The following PTN variants were observed in gnomAD, a reference collection of about 807,000 sequenced individuals.
The protein encoded by PTN is pleiotrophin, also known as heparin affin regulatory protein.
PTN carries 18 observed loss-of-function variants against 24.1 expected under a neutral mutation model. The observed-to-expected ratio is 0.75, with a 90% confidence interval of 0.52 to 1.11. The LOEUF (loss-of-function observed/expected upper bound fraction) is 1.11, where lower values mean the gene tolerates loss of function less well. Ranked by LOEUF, PTN falls within the 50% of genes least tolerant of loss-of-function variation. The pLI, the probability that PTN is intolerant of heterozygous loss-of-function variation, is 0.00. For synonymous variants in PTN, 78 were observed against 68.6 expected (o/e 1.14, Z -0.67); for missense variants, 163 against 198.8 (o/e 0.82, Z 1.08).
In PTN at chr7:137,227,815, A is replaced by C. The variant is rs901508236; in HGVS notation, c.*205T>G. The C allele has an allele frequency of 3.9e-5, 16 of 409,706 alleles. No homozygotes were observed. Among genetic ancestry groups the C allele is most frequent in the Non-Finnish European group, 6.8e-5 (16 of 236,780 alleles). The allele number at this position is 409,706 out of a possible 1,614,324, so 25.4% of individuals were successfully genotyped here. On this transcript the variant is annotated 3_prime_UTR_variant, in exon 5 of 5. Transcript: ENST00000348225. ...ATAAGTCAACTTCCTAAATAAGATT[A>C]CAGTCCTTTATTATAAGCCCCTACT...
chr7:137,256,580 G>T lies in PTN; in HGVS notation c.-1-1606C>A, dbSNP rs1363313686. ...CCAGTCTATCATTGATAAGCTTTTGGGTTGGTTCAATGGCTTTGCTATGTA... is the reference window on the plus strand; with the variant it reads ...CCAGTCTATCATTGATAAGCTTTTGTGTTGGTTCAATGGCTTTGCTATGTA... On this transcript the variant is annotated intron_variant, in intron 1 of 4. Coordinates refer to ENST00000348225, the MANE Select transcript of PTN (RefSeq NM_002825.7). 2.0e-5 allele frequency among the ~76,000 whole-genome samples: 3 copies of T among 152,022 alleles called. No individual in the cohort carries two copies. The East Asian group carries it at 5.8e-4, about 29-fold the overall frequency.
At chr7:137,279,363 T>C (rs990494855) in intron 1 of PTN, among the ~76,000 whole-genome samples, 4 of 152,224 alleles carry the variant, frequency 2.6e-5, no homozygotes, top group African/African-American at 9.6e-5. Context: ...CTCAATATTA[T>C]TTCCTGATGA....
intron 4 of PTN, among the ~76,000 whole-genome samples, chr7:137,247,597 A>G (rs922223270): frequency 1.1e-4 from 16 of 152,200 alleles, no homozygotes; most frequent in Non-Finnish European, 1.9e-4. Context: ...TTGATAGCAC[A>G]ACAGGGTGAC....
At chr7:137,234,638 T>C (rs1197228342) in intron 4 of PTN, among the ~76,000 whole-genome samples, 3 of 152,040 alleles carry the variant, frequency 2.0e-5, no homozygotes, top group African/African-American at 7.2e-5. Context: ...AAGTGGGCCT[T>C]AAGAGAAAGA....
chr7:137,250,525 A>G (rs1161927181), intron 4 of PTN, among the ~76,000 whole-genome samples: 4 of 152,244 alleles, frequency 2.6e-5, no homozygotes, highest in South Asian at 4.1e-4. Context: ...AAACTTCAGC[A>G]TATGAATTTG....
intron 3 of PTN, 42 bp from the exon 4 acceptor site, chr7:137,251,433 C>G (rs776081772): frequency 1.5e-4 from 236 of 1,590,210 alleles, no homozygotes; most frequent in Non-Finnish European, 1.9e-4. Flanking sequence ...TTGAAAGATC[C>G]TATCGTACTT....
chr7:137,313,521 C>G (rs1463487554), intron 1 of PTN, among the ~76,000 whole-genome samples: 1 of 152,166 alleles, frequency 6.6e-6, no homozygotes, highest in Non-Finnish European at 1.5e-5. Flanking sequence ...ATTGTGGGAG[C>G]TAGCTCTCCC....
chr7:137,304,017 C>T (rs935385022), intron 1 of PTN, among the ~76,000 whole-genome samples: 15 of 151,996 alleles, frequency 9.9e-5, no homozygotes, highest in African/African-American at 3.4e-4. Context: ...CTGCAGTCTT[C>T]TGTACCTAGA....
chr7:137,286,242 A>G (rs558774194), intron 1 of PTN, among the ~76,000 whole-genome samples: 27 of 152,336 alleles, frequency 1.8e-4, no homozygotes, highest in South Asian at 4.1e-4. Flanking sequence ...GTAATCAGCA[A>G]TATGGGAAAG....
intron 1 of PTN, among the ~76,000 whole-genome samples, chr7:137,259,957 A>C (rs1354365318): frequency 6.6e-6 from 1 of 151,950 alleles, no homozygotes; most frequent in African/African-American, 2.4e-5. Context: ...TCATGTGATA[A>C]AACTATTATG....
chr7:137,307,996 A>C (rs1042769009), intron 1 of PTN, among the ~76,000 whole-genome samples: 1 of 152,158 alleles, frequency 6.6e-6, no homozygotes, highest in Non-Finnish European at 1.5e-5. Context: ...TGAAATCTCT[A>C]AAGCACCTAG....
chr7:137,297,819 G>C lies in PTN; in HGVS notation c.-1-42845C>G, dbSNP rs1585034408. Among the ~76,000 whole-genome samples, 9 of 152,144 alleles carry C rather than the reference G, an allele frequency of 5.9e-5. No homozygotes were observed. In the South Asian group the frequency reaches 1.9e-3, roughly 31 times the overall value. On this transcript the variant is annotated intron_variant, in intron 1 of 4. Coordinates refer to ENST00000348225, the MANE Select transcript of PTN (RefSeq NM_002825.7). Reference sequence around the variant, plus strand: ...GCAGAATAAAGGAGGTAGGAGAGTAGAGCTGGAGGTGCAAATAGAAGATAT... The same window carrying C: ...GCAGAATAAAGGAGGTAGGAGAGTACAGCTGGAGGTGCAAATAGAAGATAT...
At chr7:137,235,739 C>T (rs1201256624) in intron 4 of PTN, among the ~76,000 whole-genome samples, 1 of 152,144 alleles carries the variant, frequency 6.6e-6, no homozygotes, top group African/African-American at 2.4e-5. Context: ...TTCATCCACA[C>T]CTCTTCTTTC....
intron 1 of PTN, among the ~76,000 whole-genome samples, chr7:137,262,601 C>A (rs1490729243): frequency 6.6e-6 from 1 of 151,700 alleles, no homozygotes; most frequent in Non-Finnish European, 1.5e-5. Flanking sequence ...AGCAGCCTAG[C>A]GTCTTAAAAT....
intron 1 of PTN, among the ~76,000 whole-genome samples, chr7:137,269,036 T>C (rs17169018): frequency 0.017 from 2,611 of 152,318 alleles, 29 homozygotes; most frequent in South Asian, 0.042. Context: ...GCCATATAAA[T>C]AATGGTCTTC....
intron 1 of PTN, among the ~76,000 whole-genome samples, chr7:137,316,140 T>A (rs1428112242): frequency 6.6e-6 from 1 of 152,146 alleles, no homozygotes; most frequent in Non-Finnish European, 1.5e-5. Flanking sequence ...AACAGAATCA[T>A]CTCTTAAGGC....
chr7:137,234,373 A>G, intron 4 of PTN, among the ~76,000 whole-genome samples: 1 of 152,026 alleles, frequency 6.6e-6, no homozygotes, highest in East Asian at 1.9e-4. Context: ...CAAGGGCAGG[A>G]CATTTTAAAA....
intron 1 of PTN, among the ~76,000 whole-genome samples, chr7:137,289,220 G>A (rs959359961): frequency 6.6e-6 from 1 of 152,206 alleles, no homozygotes; most frequent in Admixed American, 6.5e-5. Flanking sequence ...CATAGCTATT[G>A]TCATGAAATT....
chr7:137,237,182 G>T (rs1479384256), intron 4 of PTN, among the ~76,000 whole-genome samples: 2 of 152,070 alleles, frequency 1.3e-5, no homozygotes, highest in Non-Finnish European at 2.9e-5. Flanking sequence ...AGGGCATTCG[G>T]ATAGACCCTA....
Sources: allele counts gnomAD v4.1 joint callset (sites outside exome capture counted in the v4.1 genomes callset), GRCh38; gene constraint gnomAD v4.1.1; transcripts MANE v1.5; gene names NCBI Gene and HGNC (gene_info 2026-07-23, HGNC 2026-07-21).